The following MED12L variants were observed in gnomAD, a reference collection of about 807,000 sequenced individuals.
MED12L encodes the protein mediator complex subunit 12L, also known as mediator of RNA polymerase II transcription subunit 12-like protein.
In MED12L, 60 loss-of-function variants were observed where a neutral mutation model predicts 281.3. The ratio of observed to expected loss-of-function variants is 0.21; its 90% CI spans 0.17 to 0.26. MED12L has a LOEUF of 0.26. Ranked by LOEUF, MED12L falls within the 10% of genes least tolerant of loss-of-function variation. The probability of loss-of-function intolerance (pLI) is 1.00; values close to 1 mark genes in which losing one functional copy is unlikely to be tolerated. For synonymous variants in MED12L, 974 were observed against 987.2 expected (o/e 0.99, Z 0.25); for missense variants, 2,146 against 2,680.9 (o/e 0.80, Z 4.41).
chr3:151,350,735 A>G (rs1456057315), intron 17 of MED12L, among the ~76,000 whole-genome samples: 2 of 151,826 alleles, frequency 1.3e-5, no homozygotes, highest in African/African-American at 4.9e-5. Flanking sequence ...TATATCTCCA[A>G]ATGATTTCAA....
chr3:151,199,395 A>G (rs753441734), intron 16 of MED12L: 30 of 1,593,394 alleles, frequency 1.9e-5, no homozygotes, highest in Non-Finnish European at 2.5e-5. Flanking sequence ...ATCTTGAGGG[A>G]AAGTAAGGAT....
chr3:151,360,185 A>G (rs1024549667), intron 20 of MED12L, among the ~76,000 whole-genome samples: 1 of 152,136 alleles, frequency 6.6e-6, no homozygotes, highest in Non-Finnish European at 1.5e-5. Flanking sequence ...AGTCCCAGCA[A>G]CTTAATCGGT....
intron 39 of MED12L, among the ~76,000 whole-genome samples, chr3:151,402,820 A>G (rs1478311364): frequency 6.6e-6 from 1 of 152,204 alleles, no homozygotes. Flanking sequence ...ACTTCCTGCA[A>G]CATTGTTTTA....
intron 16 of MED12L, among the ~76,000 whole-genome samples, chr3:151,247,959 CTTCTTT>C (rs1182783404): frequency 2.4e-4 from 16 of 65,452 alleles, no homozygotes; most frequent in African/African-American, 6.7e-4. Flanking sequence ...TCTTCTTCTT[CTTCTTT>C]TTTTTTTTTT....
In MED12L at chr3:151,416,308, C is replaced by A. The variant is rs752708362; in HGVS notation, c.6298-4C>A. On this transcript the variant is annotated splice_polypyrimidine_tract_variant and splice_region_variant and intron_variant, in intron 42 of 44. Coordinates refer to ENST00000687756, the MANE Select transcript of MED12L (RefSeq NM_001393769.1). ...AGTGTATAACATTTTTACCCTCTTT[C>A]CAGATGCAGCAGCCCCAGCAGCCCC... The A allele has an allele frequency of 6.2e-7, 1 of 1,612,990 alleles. No individual in the cohort carries two copies. Among genetic ancestry groups the A allele is most frequent in the South Asian group, 1.1e-5 (1 of 91,032 alleles).
intron 7 of MED12L, among the ~76,000 whole-genome samples, chr3:151,159,094 A>G (rs1299487210): frequency 6.6e-6 from 1 of 150,394 alleles, no homozygotes; most frequent in Middle Eastern, 3.4e-3. Context: ...TACTGTCTCC[A>G]TATAATAACA....
intron 33 of MED12L, among the ~76,000 whole-genome samples, 153 bp downstream of exon 33, chr3:151,382,898 T>C (rs1487738145): frequency 6.6e-6 from 1 of 152,186 alleles, no homozygotes; most frequent in Non-Finnish European, 1.5e-5. Context: ...TTCTAAAGCC[T>C]TCTGTTTCCC....
intron 14 of MED12L, 143 bp downstream of exon 14, chr3:151,191,074 G>T (rs920061711): frequency 1.6e-5 from 11 of 676,710 alleles, no homozygotes; most frequent in Non-Finnish European, 9.9e-6. Context: ...TCTACTTCTC[G>T]AGCAGGAAAG....
chr3:151,102,368 G>GT (rs112563722), intron 2 of MED12L, among the ~76,000 whole-genome samples: 16 of 152,242 alleles, frequency 1.1e-4, no homozygotes, highest in African/African-American at 3.9e-4. Flanking sequence ...GTTTAGACTA[G>GT]TTTTTCTGAG....
rs1577400842 is a variant in MED12L at position 151,349,750 on chromosome 3, A to G, written c.2251-309A>G. Among the ~76,000 whole-genome samples the G allele has an allele frequency of 2.0e-5, 3 of 152,282 alleles. No homozygotes were observed. The South Asian group carries it at 6.2e-4, about 32-fold the overall frequency. On this transcript the variant is annotated intron_variant, in intron 16 of 44. Transcript: ENST00000687756. ...TGTTACATGATGTGAAATTAATACCATGTTCAATTTTAAACAATGAAAAGT... is the reference window on the plus strand; with the variant it reads ...TGTTACATGATGTGAAATTAATACCGTGTTCAATTTTAAACAATGAAAAGT...
At chr3:151,408,287 C>T (rs1046656465) in intron 39 of MED12L, among the ~76,000 whole-genome samples, 7 of 152,168 alleles carry the variant, frequency 4.6e-5, no homozygotes, top group African/African-American at 1.4e-4. Flanking sequence ...TCTTAATAAT[C>T]GTTGATATCC....
chr3:151,103,353 G>A (rs925186922), intron 2 of MED12L, among the ~76,000 whole-genome samples: 1 of 152,162 alleles, frequency 6.6e-6, no homozygotes, highest in African/African-American at 2.4e-5. Context: ...TAAGAGTGGA[G>A]TAAATGCTAA....
intron 16 of MED12L, among the ~76,000 whole-genome samples, chr3:151,287,596 A>G (rs184540074): frequency 1.8e-4 from 27 of 152,324 alleles, no homozygotes; most frequent in Admixed American, 9.8e-4. Flanking sequence ...GTAGTCAGAC[A>G]CCAGAGCTTC....
chr3:151,421,287 T>A (rs1718218297), intron 43 of MED12L, among the ~76,000 whole-genome samples: 1 of 152,198 alleles, frequency 6.6e-6, no homozygotes, highest in Non-Finnish European at 1.5e-5. Flanking sequence ...TCACATGGAA[T>A]ACAAATATCT....
intron 16 of MED12L, chr3:151,329,546 G>A (rs1324958854): frequency 6.0e-5 from 92 of 1,533,904 alleles, no homozygotes; most frequent in Non-Finnish European, 8.1e-5. Flanking sequence ...GCCTACAAAT[G>A]AGCATGTGAA....
At chr3:151,271,214 C>T (rs150704380) in intron 16 of MED12L, among the ~76,000 whole-genome samples, 408 of 152,068 alleles carry the variant, frequency 2.7e-3, no homozygotes, top group African/African-American at 9.2e-3. Flanking sequence ...TGAAAAGATG[C>T]AAACAAATAA....
chr3:151,154,052 C>G (rs563528260), intron 5 of MED12L, among the ~76,000 whole-genome samples: 1 of 152,016 alleles, frequency 6.6e-6, no homozygotes, highest in Non-Finnish European at 1.5e-5. Flanking sequence ...CTCATTGGTC[C>G]GGTTTCATTA....
At chr3:151,126,594 T>G (rs1714564608) in intron 4 of MED12L, among the ~76,000 whole-genome samples, 1 of 152,188 alleles carries the variant, frequency 6.6e-6, no homozygotes, top group African/African-American at 2.4e-5. Context: ...AAAAATGCCA[T>G]GCTATATCAA....
At chr3:151,420,012 A>C (rs544529631) in intron 43 of MED12L, among the ~76,000 whole-genome samples, 1 of 152,254 alleles carries the variant, frequency 6.6e-6, no homozygotes, top group East Asian at 1.9e-4. Flanking sequence ...CCCATTCTGT[A>C]TTCCCTTCAC....
Sources: allele counts gnomAD v4.1 joint callset (sites outside exome capture counted in the v4.1 genomes callset), GRCh38; gene constraint gnomAD v4.1.1; transcripts MANE v1.5; gene names NCBI Gene and HGNC (gene_info 2026-07-23, HGNC 2026-07-21).